Variants in QKI observed in about 807,000 individuals in gnomAD.
QKI encodes KH domain-containing RNA-binding protein QKI.
Under a neutral mutation model 39.0 loss-of-function variants are expected in QKI, and 10 were observed. The ratio of observed to expected loss-of-function variants is 0.26; its 90% CI spans 0.16 to 0.43. The LOEUF is 0.43. Among genes scored for constraint, QKI ranks in the 20% least tolerant of loss-of-function variants. QKI has a pLI of 1.00. For missense variants in QKI, 218 were observed against 428.0 expected (o/e 0.51, Z 4.33); for synonymous variants, 204 against 155.4 (o/e 1.31, Z -2.33).
At chr6:163,433,912 A>G (rs1009758569) in intron 1 of QKI, among the ~76,000 whole-genome samples, 1 of 152,240 alleles carries the variant, frequency 6.6e-6, no homozygotes. Context: ...TTCATGAAAT[A>G]ATACTTGTCT....
At chr6:163,435,319 A>G (rs916413332) in intron 1 of QKI, among the ~76,000 whole-genome samples, 3 of 152,206 alleles carry the variant, frequency 2.0e-5, no homozygotes, top group Admixed American at 2.0e-4. Context: ...TTTTCCTTAT[A>G]GTTCTTGTGC....
rs1041378885 is a variant in QKI, at chr6:163,578,228, T to C, written c.*7518T>C. 3.3e-5 allele frequency: 5 copies of C among 152,154 alleles called. No homozygotes were observed. The highest frequency in any genetic ancestry group is 7.4e-5 in the Non-Finnish European group (5 of 68,022). The allele number at this position is 152,154 out of a possible 1,614,324, so 9.4% of individuals were successfully genotyped here. A position where few individuals can be genotyped will look rare whatever the true frequency, so the allele number is the denominator to read the frequency against. Reference sequence around the variant, plus strand: ...TTGGTTACTTAACTGGATATTAATATAAAGGTTATTACAAGAAAAATGATG... The same window carrying C: ...TTGGTTACTTAACTGGATATTAATACAAAGGTTATTACAAGAAAAATGATG... On this transcript the variant is annotated 3_prime_UTR_variant, in exon 8 of 8. Transcript: ENST00000361752.
chr6:163,549,211 G>C (rs181223145), intron 4 of QKI, among the ~76,000 whole-genome samples: 1 of 152,144 alleles, frequency 6.6e-6, no homozygotes, highest in East Asian at 1.9e-4. Flanking sequence ...AGGTTGAGGG[G>C]GGGGACATGA....
chr6:163,569,898 A>G (rs967316010), intron 7 of QKI: 1 of 987,078 alleles, frequency 1.0e-6, no homozygotes, highest in Admixed American at 6.1e-5. Context: ...GTAGAATTTT[A>G]AATGGCAGGA....
intron 4 of QKI, among the ~76,000 whole-genome samples, chr6:163,538,565 A>G (rs1263156146): frequency 1.3e-5 from 2 of 152,026 alleles, no homozygotes; most frequent in African/African-American, 4.8e-5. Context: ...TGGGAAGGAG[A>G]TTGGGTTTTA....
In QKI at chr6:163,434,856, T is replaced by C. The variant is rs1359606618; in HGVS notation, c.142+19521T>C. 4.6e-5 allele frequency among the ~76,000 whole-genome samples: 7 copies of C among 152,106 alleles called. 1 individual carries two copies. Among genetic ancestry groups the C allele is most frequent in the Admixed American group, 1.3e-4 (2 of 15,276 alleles). On this transcript the variant is annotated intron_variant, in intron 1 of 7. Coordinates refer to ENST00000361752, the MANE Select transcript of QKI (RefSeq NM_006775.3). ...ATTGGAGAAATACTTCTTTCCTGAC[T>C]TTTTCCCCCCTCAGTATTGTGACTT...
intron 3 of QKI, among the ~76,000 whole-genome samples, chr6:163,511,498 A>G (rs188428101): frequency 1.6e-4 from 24 of 152,218 alleles, no homozygotes; most frequent in Admixed American, 1.3e-3. Context: ...TTACCAGTAT[A>G]TTTAATAAAA....
chr6:163,522,361 TTAAA>T (rs903765296), intron 3 of QKI, among the ~76,000 whole-genome samples: 7 of 152,244 alleles, frequency 4.6e-5, no homozygotes, highest in African/African-American at 9.6e-5. Flanking sequence ...TATGTATTTA[TTAAA>T]TAAATAAATG....
chr6:163,488,674 T>G (rs1182231801), intron 3 of QKI, among the ~76,000 whole-genome samples: 3 of 152,290 alleles, frequency 2.0e-5, no homozygotes, highest in South Asian at 2.1e-4. Flanking sequence ...GTATATCCAC[T>G]AGATACAAGT....
Position 163,549,991 on chromosome 6 carries a change from G to A in QKI, c.547-11991G>A, listed in dbSNP as rs190767958. Among the ~76,000 whole-genome samples, 276 of 152,272 alleles carry A rather than the reference G, an allele frequency of 1.8e-3. 2 individuals are homozygous for A. Among genetic ancestry groups the A allele is most frequent in the Admixed American group, 2.9e-3 (45 of 15,304 alleles). On this transcript the variant is annotated intron_variant, in intron 4 of 7. Coordinates refer to ENST00000361752, the MANE Select transcript of QKI (RefSeq NM_006775.3). ...GTTAAACTATGCAATCTGTTCTTCA[G>A]TAAATGAAGCTTTGACCGTGCAGTC...
intron 3 of QKI, among the ~76,000 whole-genome samples, chr6:163,525,886 C>A (rs758165950): frequency 2.6e-5 from 4 of 152,136 alleles, no homozygotes; most frequent in African/African-American, 9.7e-5. Flanking sequence ...ATAATGCCTA[C>A]CTCTAAGCTT....
intron 1 of QKI, among the ~76,000 whole-genome samples, chr6:163,445,615 C>CTTTTTT (rs771151149): frequency 1.5e-5 from 2 of 135,334 alleles, no homozygotes; most frequent in Non-Finnish European, 3.2e-5. Context: ...GAGTATATGT[C>CTTTTTT]TTTTTTTTTT....
chr6:163,444,787 G>A (rs550606663), intron 1 of QKI, among the ~76,000 whole-genome samples: 8 of 152,184 alleles, frequency 5.3e-5, no homozygotes, highest in Admixed American at 4.6e-4. Flanking sequence ...ATACCATTTT[G>A]AGTGATTTTT....
At chr6:163,551,011 T>C (rs1326993548) in intron 4 of QKI, among the ~76,000 whole-genome samples, 2 of 151,688 alleles carry the variant, frequency 1.3e-5, no homozygotes, top group East Asian at 3.9e-4. Context: ...TAACCAATAA[T>C]GGCCAGCCAA....
At chr6:163,567,681 T>C in intron 7 of QKI, 5 of 985,120 alleles carry the variant, frequency 5.1e-6, no homozygotes, top group African/African-American at 1.7e-5. Context: ...TGAATTGTTT[T>C]CTAAGTTTTT....
At chr6:163,416,223 C>T (rs553184159) in intron 1 of QKI, 3 of 333,956 alleles carry the variant, frequency 9.0e-6, no homozygotes, top group African/African-American at 4.3e-5. Context: ...CCAAAGTTTC[C>T]AAAAAGCTGT....
chr6:163,424,725 A>G (rs565060811), intron 1 of QKI, among the ~76,000 whole-genome samples: 1 of 150,976 alleles, frequency 6.6e-6, no homozygotes, highest in Non-Finnish European at 1.5e-5. Flanking sequence ...TCTGTCTCCC[A>G]GGTTCAAGTG....
intron 7 of QKI, 24 bp from the exon 8 acceptor site, chr6:163,570,668 GTT>G: frequency 6.3e-7 from 1 of 1,576,064 alleles, no homozygotes. Context: ...TTTTTGTTTT[GTT>G]TTTTTTTGTT....
In QKI at chr6:163,503,028, C is replaced by T. The variant is rs145017116; in HGVS notation, c.402+24132C>T. 1.8e-3 allele frequency among the ~76,000 whole-genome samples: 276 copies of T among 151,926 alleles called. 1 individual carries two copies. Among genetic ancestry groups the T allele is most frequent in the African/African-American group, 6.4e-3 (265 of 41,418 alleles). Reference sequence around the variant, plus strand: ...AGCATCTATGTTTTTTTGCCTTTTTCGTAGTAGCCATTCTGACTTGTGTGA... The same window carrying T: ...AGCATCTATGTTTTTTTGCCTTTTTTGTAGTAGCCATTCTGACTTGTGTGA... On this transcript the variant is annotated intron_variant, in intron 3 of 7. Transcript: ENST00000361752.
Sources: allele counts gnomAD v4.1 joint callset (sites outside exome capture counted in the v4.1 genomes callset), GRCh38; gene constraint gnomAD v4.1.1; transcripts MANE v1.5; gene names NCBI Gene and HGNC (gene_info 2026-07-23, HGNC 2026-07-21).